The following INPP5B variants were observed in gnomAD, a reference collection of about 807,000 sequenced individuals.
INPP5B encodes inositol polyphosphate-5-phosphatase B, also known as type II inositol 1,4,5-trisphosphate 5-phosphatase.
Under a neutral mutation model 118.5 loss-of-function variants are expected in INPP5B, and 90 were observed. The ratio of observed to expected loss-of-function variants is 0.76; its 90% confidence interval spans 0.64 to 0.90. INPP5B has a LOEUF of 0.90. Ranked by LOEUF, INPP5B falls within the 40% of genes least tolerant of loss-of-function variation. The pLI is 0.00. For missense variants in INPP5B, 984 were observed against 1,125.6 expected (o/e 0.87, Z 1.80); for synonymous variants, 385 against 418.9 (o/e 0.92, Z 0.99).
At chr1:37,889,460 G>A in intron 9 of INPP5B, 97 bp downstream of exon 9, 1 of 868,264 alleles carries the variant, frequency 1.2e-6, no homozygotes, top group African/African-American at 1.7e-5. Flanking sequence ...CTATAGAAGA[G>A]TATGTCTCCA....
intron 7 of INPP5B, among the ~76,000 whole-genome samples, chr1:37,902,024 T>C (rs1195055031): frequency 1.3e-5 from 2 of 151,846 alleles, no homozygotes; most frequent in African/African-American, 4.8e-5. Flanking sequence ...TCTTACTCTG[T>C]TGCCCAGGTT....
chr1:37,931,928 C>T lies in INPP5B; in HGVS notation c.517G>A (p.Ala173Thr). ...NSALVTWPGY[A>T]TIGGGGSNFD... ...GGATACCTGCCTCCGCCAATTGTCG[C>T]GTACCCTGGCCAGGTAACTAGGGCC... Residue 173 changes from alanine (A) to threonine (T), a missense_variant, in exon 7 of 24, where the codon GCG (alanine) becomes ACG (threonine). Coordinates refer to ENST00000373024, the MANE Select transcript of INPP5B (RefSeq NM_005540.3). The T allele has an allele frequency of 3.7e-6, 6 of 1,614,108 alleles. No homozygotes were observed. Among genetic ancestry groups the T allele is most frequent in the Non-Finnish European group, 5.1e-6 (6 of 1,180,038 alleles).
At position 37,913,448 on chromosome 1, in the gene INPP5B, T is replaced by A. The variant is rs1003525530; in HGVS notation, c.532+18465A>T. ...AATTGGATATCCTGGGTCCTCCCAA[T>A]TCTTAGTCCTTTAATACCTGTTTTT... On this transcript the variant is annotated intron_variant, in intron 7 of 23. Transcript: ENST00000373024. 1.4e-4 allele frequency among the ~76,000 whole-genome samples: 21 copies of A among 152,112 alleles called. 1 individual carries two copies. The highest frequency in any genetic ancestry group is 1.2e-3 in the Admixed American group (18 of 15,272).
At chr1:37,931,469 C>T in intron 7 of INPP5B, 1 of 1,532,718 alleles carries the variant, frequency 6.5e-7, no homozygotes. Flanking sequence ...ACCCCATTCC[C>T]ACCCGCCTAC....
chr1:37,886,741 C>T (rs780547362), intron 12 of INPP5B, 147 bp downstream of exon 12: 50 of 661,250 alleles, frequency 7.6e-5, no homozygotes, highest in Non-Finnish European at 1.2e-4. Context: ...ATAGTTTGCT[C>T]GACTGAGCCC....
chr1:37,941,544 G>A (rs1645910256), intron 5 of INPP5B, among the ~76,000 whole-genome samples: 1 of 152,032 alleles, frequency 6.6e-6, no homozygotes, highest in African/African-American at 2.4e-5. Flanking sequence ...GGGAGGCTGA[G>A]GTGGGAGGAT....
rs1334579080 is a variant in INPP5B, at chr1:37,874,086, G to A, written c.1858C>T (p.Pro620Ser). The A allele has an allele frequency of 6.8e-6, 11 of 1,606,040 alleles. No individual in the cohort carries two copies. Among genetic ancestry groups the A allele is most frequent in the Non-Finnish European group, 9.4e-6 (11 of 1,174,004 alleles). Reference sequence around the variant, plus strand: ...TTGTTGATGAATTCAAAATGACAGGGTACTTGTCCATTATGAATTGTAAAG... The same window carrying A: ...TTGTTGATGAATTCAAAATGACAGGATACTTGTCCATTATGAATTGTAAAG... ...ESFTIHNGQV[P>S]CHFEFINKPD... Residue 620 changes from proline (P) to serine (S), a missense_variant, in exon 18 of 24, where the codon CCC becomes TCC. Around this residue, in one of 2 missense-constraint regions of INPP5B, gnomAD observed 634 missense variants for 791.0 expected, o/e 0.80. Transcript: ENST00000373024.
At position 37,878,192 on chromosome 1, in the gene INPP5B, A is replaced by T. The variant is rs1387280096; in HGVS notation, c.1673T>A (p.Ile558Asn). The change falls in exon 16 of 24, where the codon ATC becomes AAC. Residue 558 changes from isoleucine (I) to asparagine (N), a missense_variant. By Grantham distance (149) the Ile-to-Asn change is moderately radical. This residue lies in a region of INPP5B where 634 missense variants were observed against 791.0 expected (regional missense o/e 0.80). Coordinates refer to ENST00000373024, the MANE Select transcript of INPP5B (RefSeq NM_005540.3). ...DHKPVSSVFD[I>N]GVRVVNDELY... Reference sequence around the variant, plus strand: ...CAGGTACCAGCTGCCACCTACCCCGATGTCAAACACTGAGCTGACAGGCTT... The same window carrying T: ...CAGGTACCAGCTGCCACCTACCCCGTTGTCAAACACTGAGCTGACAGGCTT... 1 of 1,613,880 alleles carries T rather than the reference A, an allele frequency of 6.2e-7. No homozygotes were observed. The highest frequency in any genetic ancestry group is 8.5e-7 in the Non-Finnish European group (1 of 1,179,942).
At chr1:37,866,645 G>A (rs1642067514) in intron 20 of INPP5B, 102 bp from the exon 21 acceptor site, 2 of 725,970 alleles carry the variant, frequency 2.8e-6, no homozygotes, top group Non-Finnish European at 4.9e-6. Context: ...AAGGAGCAGT[G>A]TGGTGAGGCC....
At position 37,876,007 on chromosome 1, in the gene INPP5B, G is replaced by C. The variant is rs180932138; in HGVS notation, c.1678-291C>G. Among the ~76,000 whole-genome samples, 49 of 152,266 alleles carry C rather than the reference G, an allele frequency of 3.2e-4. No homozygotes were observed. In the East Asian group the frequency reaches 8.9e-3, roughly 28 times the overall value. On this transcript the variant is annotated intron_variant, in intron 16 of 23. Coordinates refer to ENST00000373024, the MANE Select transcript of INPP5B (RefSeq NM_005540.3). ...GGTCTTAGGACCAGGGCAGAAAAAT[G>C]CTTGCCCAGTACCTAGCTCTATTTT...
chr1:37,944,592 TTTC>T (rs1341064036), intron 3 of INPP5B, among the ~76,000 whole-genome samples: 3 of 148,722 alleles, frequency 2.0e-5, no homozygotes, highest in Admixed American at 1.3e-4. Context: ...TCGTTTTTTT[TTTC>T]TTGTTTTTTT....
intron 7 of INPP5B, among the ~76,000 whole-genome samples, chr1:37,921,227 C>A (rs995848201): frequency 6.6e-6 from 1 of 152,138 alleles, no homozygotes; most frequent in Non-Finnish European, 1.5e-5. Flanking sequence ...ATAATGATAA[C>A]AACAGTAGTA....
chr1:37,925,896 G>T (rs140682852), intron 7 of INPP5B, among the ~76,000 whole-genome samples: 15 of 152,286 alleles, frequency 9.8e-5, no homozygotes, highest in African/African-American at 3.6e-4. Context: ...TTTTGTTTAA[G>T]GAAACAAAGT....
intron 7 of INPP5B, among the ~76,000 whole-genome samples, chr1:37,900,915 G>A (rs955359782): frequency 1.3e-5 from 2 of 151,628 alleles, no homozygotes; most frequent in African/African-American, 2.4e-5. Context: ...AGGTTCAAGC[G>A]ATTCTCCTGC....
chr1:37,944,584 GTT>G (rs71057107), intron 3 of INPP5B, among the ~76,000 whole-genome samples: 3,074 of 143,182 alleles, frequency 0.021, 98 homozygotes, highest in African/African-American at 0.074. Context: ...CATGGTGTTC[GTT>G]TTTTTTTTCT....
chr1:37,874,883 C>T (rs891755410), intron 17 of INPP5B, among the ~76,000 whole-genome samples: 10 of 152,190 alleles, frequency 6.6e-5, no homozygotes, highest in Admixed American at 3.3e-4. Flanking sequence ...TTCCATGTGG[C>T]TCTTCCATGA....
intron 7 of INPP5B, among the ~76,000 whole-genome samples, chr1:37,892,943 A>G (rs1160579619): frequency 2.6e-5 from 4 of 152,146 alleles, no homozygotes; most frequent in African/African-American, 9.7e-5. Flanking sequence ...CTAAGCCAGA[A>G]AGCAGGCCCT....
chr1:37,890,191 A>G (rs535186126), intron 8 of INPP5B, among the ~76,000 whole-genome samples: 7 of 152,280 alleles, frequency 4.6e-5, no homozygotes, highest in African/African-American at 1.7e-4. Flanking sequence ...CCTGGCCAAC[A>G]TGGCAAAATC....
intron 6 of INPP5B, among the ~76,000 whole-genome samples, chr1:37,932,710 T>G (rs575316158): frequency 6.6e-6 from 1 of 152,116 alleles, no homozygotes; most frequent in East Asian, 1.9e-4. Flanking sequence ...TTCAGAGAGG[T>G]TAAGTCTGAG....
Sources: gnomAD v4.1 joint callset for allele counts (sites outside exome capture counted in the v4.1 genomes callset) on GRCh38, gnomAD v4.1.1 for gene constraint, gnomAD v4.1.1 regional missense constraint, MANE v1.5 for transcripts, NCBI Gene and HGNC (gene_info 2026-07-23, HGNC 2026-07-21) for gene names.